Variants in AKAP6 observed in about 807,000 individuals in gnomAD.
AKAP6 encodes A-kinase anchor protein 6.
A neutral mutation model predicts 188.5 loss-of-function variants in AKAP6; 58 were observed. The observed-to-expected ratio is 0.31, with a 90% confidence interval of 0.25 to 0.38. AKAP6 has a LOEUF of 0.38. Among genes scored for constraint, AKAP6 ranks in the 10% least tolerant of loss-of-function variants. The pLI, the probability that AKAP6 is intolerant of heterozygous loss-of-function variation, is 1.00. For missense variants in AKAP6, 2,710 were observed against 2,740.0 expected (o/e 0.99, Z 0.24); for synonymous variants, 989 against 998.6 (o/e 0.99, Z 0.18).
chr14:32,727,304 A>G (rs897172877), intron 9 of AKAP6, among the ~76,000 whole-genome samples: 4 of 152,138 alleles, frequency 2.6e-5, no homozygotes, highest in African/African-American at 4.8e-5. Context: ...TTTGTTCTGT[A>G]ACAGTGACTT....
At chr14:32,431,766 G>A (rs940519236) in intron 1 of AKAP6, among the ~76,000 whole-genome samples, 1 of 152,144 alleles carries the variant, frequency 6.6e-6, no homozygotes, top group African/African-American at 2.4e-5. Flanking sequence ...TGCCTGCCTC[G>A]GCCTCCCAAA....
intron 2 of AKAP6, among the ~76,000 whole-genome samples, chr14:32,455,070 A>G (rs1480893276): frequency 1.3e-5 from 2 of 150,996 alleles, no homozygotes; most frequent in Non-Finnish European, 2.9e-5. Context: ...GGCTCAAGCT[A>G]TCCTCCCACC....
At chr14:32,804,378 G>T (rs1410999306) in intron 12 of AKAP6, among the ~76,000 whole-genome samples, 1 of 152,136 alleles carries the variant, frequency 6.6e-6, no homozygotes, top group African/African-American at 2.4e-5. Flanking sequence ...GGCTGCTGGG[G>T]GTGACATCAC....
Position 32,823,674 on chromosome 14 carries a change from C to T in AKAP6, c.5861C>T (p.Ser1954Phe), listed in dbSNP as rs201421428. The T allele has an allele frequency of 3.2e-5, 51 of 1,613,794 alleles. No homozygotes were observed. The Admixed American group carries it at 5.0e-4, about 16-fold the overall frequency. The part of the protein sequence containing the change: ...DSNTAGKEFV[S>F]QDVRHLPKKC... ...AATACTGCTGGCAAGGAATTTGTTT[C>T]CCAAGATGTTAGACATCTTCCAAAG... is the stretch of plus-strand genomic sequence containing the variant. Residue 1954 changes from serine to phenylalanine, a missense_variant, in exon 13 of 14, where the codon TCC (serine) becomes TTC (phenylalanine). Ser to Phe is a radical substitution (Grantham distance 155). Transcript: ENST00000280979.
chr14:32,480,140 T>A (rs8018953), intron 2 of AKAP6, among the ~76,000 whole-genome samples: 1,740 of 152,122 alleles, frequency 0.011, 15 homozygotes, highest in East Asian at 0.026. Context: ...TTTGCTAAAC[T>A]TCTATTTCCT....
At chr14:32,723,907 G>A (rs1040599) in intron 9 of AKAP6, among the ~76,000 whole-genome samples, 150,455 of 152,320 alleles carry the variant, frequency 0.99, 74,332 homozygotes, top group Middle Eastern at 1. Flanking sequence ...CTGCCTGGTA[G>A]TGAGGTGTTG....
intron 7 of AKAP6, among the ~76,000 whole-genome samples, chr14:32,626,198 G>A (rs754701531): frequency 2.6e-5 from 4 of 151,966 alleles, no homozygotes; most frequent in East Asian, 1.9e-4. Flanking sequence ...TCATTGCATC[G>A]CAAATAATTT....
chr14:32,465,250 T>C (rs770413894), intron 2 of AKAP6, among the ~76,000 whole-genome samples: 23 of 152,294 alleles, frequency 1.5e-4, no homozygotes, highest in South Asian at 4.1e-4. Flanking sequence ...TTAAATTTCA[T>C]AGGGAACCAA....
intron 8 of AKAP6, among the ~76,000 whole-genome samples, chr14:32,691,370 G>A (rs1028537): frequency 0.56 from 84,900 of 151,860 alleles, 24,247 homozygotes; most frequent in East Asian, 0.84. Flanking sequence ...AGTAGCTGGA[G>A]CTTTTCCTGG....
At chr14:32,732,636 GTAC>G in intron 10 of AKAP6, 36 bp downstream of exon 10, 1 of 1,609,224 alleles carries the variant, frequency 6.2e-7, no homozygotes, top group Non-Finnish European at 8.5e-7. Flanking sequence ...TAGGTTATGT[GTAC>G]ATTTTTTGCG....
At chr14:32,432,809 G>A (rs1890263570) in intron 1 of AKAP6, among the ~76,000 whole-genome samples, 1 of 152,162 alleles carries the variant, frequency 6.6e-6, no homozygotes, top group Admixed American at 6.6e-5. Context: ...CAAGATAGAA[G>A]TTTGGTTTTT....
chr14:32,725,475 C>T (rs1050926638), intron 9 of AKAP6, among the ~76,000 whole-genome samples: 24 of 152,118 alleles, frequency 1.6e-4, no homozygotes, highest in Admixed American at 3.3e-4. Context: ...TTTTCACTAT[C>T]CTCCTTCATG....
intron 1 of AKAP6, among the ~76,000 whole-genome samples, chr14:32,416,305 T>G (rs1025785974): frequency 6.6e-6 from 1 of 152,226 alleles, no homozygotes; most frequent in Non-Finnish European, 1.5e-5. Flanking sequence ...TAAGTGATGT[T>G]GAGCATCTTT....
intron 2 of AKAP6, among the ~76,000 whole-genome samples, chr14:32,510,437 T>C (rs1255067534): frequency 1.7e-4 from 6 of 35,186 alleles, no homozygotes; most frequent in Admixed American, 7.7e-4. Flanking sequence ...TATATATATG[T>C]GTATATATAT....
chr14:32,676,274 C>T (rs912686703), intron 7 of AKAP6, among the ~76,000 whole-genome samples: 8 of 151,998 alleles, frequency 5.3e-5, no homozygotes, highest in Admixed American at 1.3e-4. Context: ...TTTGTATGTT[C>T]TTTTAAAAGA....
intron 1 of AKAP6, among the ~76,000 whole-genome samples, chr14:32,390,850 C>T (rs192405198): frequency 3.0e-4 from 45 of 152,202 alleles, no homozygotes; most frequent in African/African-American, 9.1e-4. Flanking sequence ...CAAAAATTCA[C>T]GACGCAAGCC....
chr14:32,477,111 A>G (rs1202444713), intron 2 of AKAP6, among the ~76,000 whole-genome samples: 1 of 152,160 alleles, frequency 6.6e-6, no homozygotes, highest in Non-Finnish European at 1.5e-5. Context: ...AGAACAAAGA[A>G]CAGCAGTCAG....
chr14:32,435,856 G>T lies in AKAP6; in HGVS notation c.324+2039G>T, dbSNP rs185816963. ...GGCCTCAAAAAAGGTCTACACAAGT[G>T]TTTGGTTATATCGCTTAATCTACTT... On this transcript the variant is annotated intron_variant, in intron 2 of 13. Coordinates refer to ENST00000280979, the MANE Select transcript of AKAP6 (RefSeq NM_004274.5). Among the ~76,000 whole-genome samples the T allele has an allele frequency of 2.0e-5, 3 of 152,294 alleles. No homozygotes were observed. The East Asian group carries it at 5.8e-4, about 29-fold the overall frequency.
intron 2 of AKAP6, among the ~76,000 whole-genome samples, chr14:32,516,368 A>T (rs1224286813): frequency 2.0e-5 from 3 of 152,184 alleles, no homozygotes; most frequent in African/African-American, 7.2e-5. Flanking sequence ...CCCAATTTTT[A>T]AAACTGTATA....
Sources: allele counts gnomAD v4.1 joint callset (sites outside exome capture counted in the v4.1 genomes callset), GRCh38; gene constraint gnomAD v4.1.1; transcripts MANE v1.5; gene names NCBI Gene and HGNC (gene_info 2026-07-23, HGNC 2026-07-21).